The following LINC00237 variants were observed in gnomAD, a reference collection of about 807,000 sequenced individuals.
LINC00237 encodes long independently transcribed non-coding RNA 237.
rs1331633141 is a variant in LINC00237, at chr20:21,101,560, C to A, written n.88+4711G>T. On this transcript the variant is annotated intron_variant and non_coding_transcript_variant, in intron 1 of 3. Coordinates refer to ENST00000691244, the Ensembl canonical transcript of LINC00237. This position sits in a 1 kb window ranked among gnomAD's most constrained non-coding sequence, Gnocchi z 4.3. ...TCCCCAGGGACGCAGTCCGCGGCCGCCAGCTCCAGGGGCTCGGGCCCCAGG... is the reference window on the plus strand; with the variant it reads ...TCCCCAGGGACGCAGTCCGCGGCCGACAGCTCCAGGGGCTCGGGCCCCAGG... 2 of 152,380 alleles carry A rather than the reference C, an allele frequency of 1.3e-5. No homozygotes were observed. The highest frequency in any genetic ancestry group is 3.9e-4 in the East Asian group (2 of 5,172). The allele number at this position is 152,380 out of a possible 1,614,324, so 9.4% of individuals were successfully genotyped here.
chr20:21,090,851 C>T (rs2030782322), intron 2 of LINC00237, among the ~76,000 whole-genome samples: 1 of 152,120 alleles, frequency 6.6e-6, no homozygotes, highest in Non-Finnish European at 1.5e-5. Context: ...GTCTTTATCG[C>T]CAGCAAAGGC....
intron 1 of LINC00237, among the ~76,000 whole-genome samples, chr20:21,094,065 A>C (rs1202738486): frequency 6.6e-6 from 1 of 152,232 alleles, no homozygotes; most frequent in East Asian, 1.9e-4. Context: ...CAGGTGATAC[A>C]TTCCAGTGAG....
chr20:21,097,884 G>A (rs527509092), intron 1 of LINC00237, among the ~76,000 whole-genome samples: 11 of 152,138 alleles, frequency 7.2e-5, no homozygotes, highest in Non-Finnish European at 1.2e-4. Context: ...GTATCCAGAC[G>A]GCTTTTCTGG....
rs139047810 is a variant in LINC00237, at chr20:21,088,823, T to C, written n.473-793A>G. On this transcript the variant is annotated intron_variant and non_coding_transcript_variant, in intron 2 of 3. Transcript: ENST00000691244. The stretch of plus-strand genomic sequence containing the variant: ...TTGAGCCATGGGCTTGTGATGAGAG[T>C]CCAATGATGAAATATACATAAAAGC... Among the ~76,000 whole-genome samples the C allele has an allele frequency of 6.4e-4, 98 of 152,006 alleles. 1 individual carries two copies. The East Asian group carries it at 0.018, about 28-fold the overall frequency.
At chr20:21,085,817 T>C (rs1426994489) in exon 4 of LINC00237, among the ~76,000 whole-genome samples, 1 of 151,652 alleles carries the variant, frequency 6.6e-6, no homozygotes, top group Non-Finnish European at 1.5e-5. Flanking sequence ...ACTTTATCAT[T>C]ATGAAAACTC....
intron 1 of LINC00237, among the ~76,000 whole-genome samples, chr20:21,094,058 G>T (rs1275815709): frequency 6.6e-6 from 1 of 152,222 alleles, no homozygotes; most frequent in East Asian, 1.9e-4. Context: ...AGCCTTCCAG[G>T]TGATACATTC....
chr20:21,098,422 G>A (rs971153811), intron 1 of LINC00237, among the ~76,000 whole-genome samples: 3 of 152,160 alleles, frequency 2.0e-5, no homozygotes, highest in Admixed American at 6.5e-5. Flanking sequence ...GAATGTGCCC[G>A]GTAGAAATGC....
chr20:21,098,957 T>C (rs1037861126), intron 1 of LINC00237, among the ~76,000 whole-genome samples: 1 of 152,196 alleles, frequency 6.6e-6, no homozygotes, highest in African/African-American at 2.4e-5. Flanking sequence ...AACAGAAAGA[T>C]AAAAGAACAT....
At chr20:21,099,529 C>T (rs1034604049) in intron 1 of LINC00237, among the ~76,000 whole-genome samples, 5 of 152,090 alleles carry the variant, frequency 3.3e-5, no homozygotes, top group African/African-American at 9.7e-5. Context: ...CCCATCCAGC[C>T]CCTCCCAGCA....
At chr20:21,103,294 T>C (rs955205136) in intron 1 of LINC00237, among the ~76,000 whole-genome samples, 1 of 152,202 alleles carries the variant, frequency 6.6e-6, no homozygotes, top group African/African-American at 2.4e-5. Flanking sequence ...TGCATTTTAA[T>C]TCCAAAGTCA....
chr20:21,086,715 A>G (rs1178136382), intron 3 of LINC00237, among the ~76,000 whole-genome samples: 2 of 14,536 alleles, frequency 1.4e-4, no homozygotes, highest in Non-Finnish European at 3.0e-4. Context: ...ATATATACAT[A>G]TATACTATAT....
At chr20:21,087,378 C>T (rs1377289109) in intron 3 of LINC00237, among the ~76,000 whole-genome samples, 1 of 151,948 alleles carries the variant, frequency 6.6e-6, no homozygotes, top group Non-Finnish European at 1.5e-5. Context: ...TGAATGGGTT[C>T]AGTTTTTTCT....
At chr20:21,086,496 T>G (rs67425864) in intron 3 of LINC00237, among the ~76,000 whole-genome samples, 18,762 of 146,434 alleles carry the variant, frequency 0.13, 1,373 homozygotes, top group East Asian at 0.3. Context: ...TCTATATATA[T>G]AGAGAGAGAT....
chr20:21,104,299 T>A (rs1323463093), intron 1 of LINC00237, among the ~76,000 whole-genome samples: 4 of 152,216 alleles, frequency 2.6e-5, no homozygotes, highest in African/African-American at 9.7e-5. Flanking sequence ...GGAATGATTT[T>A]CATAACAAGG....
chr20:21,103,074 C>G (rs2030954555), intron 1 of LINC00237, among the ~76,000 whole-genome samples: 1 of 152,194 alleles, frequency 6.6e-6, no homozygotes, highest in South Asian at 2.1e-4. Context: ...AGCGGCTGGT[C>G]TGGCCCTGGG....
At chr20:21,091,060 C>CGT (rs57771489) in intron 2 of LINC00237, among the ~76,000 whole-genome samples, 6,686 of 147,194 alleles carry the variant, frequency 0.045, 342 homozygotes, top group African/African-American at 0.12. Flanking sequence ...TGTGTGTGTG[C>CGT]GTGTGTGTGT....
At chr20:21,088,689 C>T (rs1269765892) in intron 2 of LINC00237, among the ~76,000 whole-genome samples, 1 of 152,142 alleles carries the variant, frequency 6.6e-6, no homozygotes, top group Non-Finnish European at 1.5e-5. Context: ...CAAATGATTA[C>T]AAACAGAAAG....
intron 2 of LINC00237, among the ~76,000 whole-genome samples, chr20:21,091,343 C>G (rs775115057): frequency 6.6e-6 from 1 of 152,162 alleles, no homozygotes; most frequent in Non-Finnish European, 1.5e-5. Flanking sequence ...TACTGCAAAC[C>G]ACTGCACAGG....
chr20:21,096,181 C>T (rs577266145), intron 1 of LINC00237, among the ~76,000 whole-genome samples: 14 of 152,270 alleles, frequency 9.2e-5, no homozygotes, highest in East Asian at 7.7e-4. Context: ...TTACTTTGAA[C>T]GGGTGCTATA....
Sources: gnomAD v4.1 joint callset for allele counts (sites outside exome capture counted in the v4.1 genomes callset) on GRCh38, gnomAD v4.1.1 for gene constraint, Gnocchi (gnomAD v3.1) non-coding constraint, MANE v1.5 for transcripts, NCBI Gene and HGNC (gene_info 2026-07-23, HGNC 2026-07-21) for gene names.